Variants in CFAP206 observed in about 807,000 individuals in gnomAD.
CFAP206 encodes the protein cilia- and flagella-associated protein 206.
Under a neutral mutation model 65.4 loss-of-function variants are expected in CFAP206, and 53 were observed. That is an observed-to-expected ratio of 0.81 (90% confidence interval 0.65 to 1.02). The LOEUF (loss-of-function observed/expected upper bound fraction) is 1.02. Among genes scored for constraint, CFAP206 ranks in the 50% least tolerant of loss-of-function variants. CFAP206 has a pLI of 0.00. For missense variants in CFAP206, 663 were observed against 753.2 expected, an observed-to-expected ratio of 0.88 and a Z score of 1.40; for synonymous variants, 250 against 254.4, an observed-to-expected ratio of 0.98 and a Z score of 0.17.
At chr6:87,436,035 CTAAAATGAAAACATTT>C (rs1417444483) in intron 11 of CFAP206, 2 of 150,644 alleles carry the variant, frequency 1.3e-5, no homozygotes, top group Non-Finnish European at 2.9e-5. Flanking sequence ...TTTAAACTCA[CTAAAATGAAAACATTT>C]TGAAATACAT....
rs770829778 is a variant in CFAP206 at position 87,418,263 on chromosome 6, G to A, written c.687G>A (p.Gln229=). 1 of 1,614,098 alleles carries A rather than the reference G, an allele frequency of 6.2e-7. No homozygotes were observed. The highest frequency in any genetic ancestry group is 1.1e-5 in the South Asian group (1 of 91,076). ...CCACCATGCAGCATATTGATTACCAGCTTGAGACTGCCCGGAGCCAGGTAT... is the reference window on the plus strand; with the variant it reads ...CCACCATGCAGCATATTGATTACCAACTTGAGACTGCCCGGAGCCAGGTAT... ...IPATMQHIDY[Q]LETARSQVYR... is the part of the protein sequence containing the mutation. The change falls in exon 7 of 13, where the codon CAG becomes CAA. Residue 229 remains glutamine, a synonymous_variant. Transcript: ENST00000369562.
chr6:87,421,780 C>T (rs1767945362), intron 7 of CFAP206, among the ~76,000 whole-genome samples: 1 of 152,132 alleles, frequency 6.6e-6, no homozygotes. Flanking sequence ...AGAGTTATTT[C>T]CCCCCAAGCT....
At chr6:87,413,394 C>A (rs1206510264) in intron 3 of CFAP206, among the ~76,000 whole-genome samples, 1 of 152,122 alleles carries the variant, frequency 6.6e-6, no homozygotes, top group Non-Finnish European at 1.5e-5. Context: ...CACATGTTCT[C>A]ACTTATAAGT....
chr6:87,419,035 C>T (rs971190157), intron 7 of CFAP206, among the ~76,000 whole-genome samples: 1 of 151,408 alleles, frequency 6.6e-6, no homozygotes, highest in Non-Finnish European at 1.5e-5. Flanking sequence ...TCACTTGAGC[C>T]CAGGAGGCAG....
At chr6:87,463,358 A>C (rs1220260167) in intron 12 of CFAP206, among the ~76,000 whole-genome samples, 1 of 151,972 alleles carries the variant, frequency 6.6e-6, no homozygotes, top group Non-Finnish European at 1.5e-5. Context: ...AGTATCTCAA[A>C]CTCTGAAATG....
At chr6:87,415,312 G>A (rs6939276) in intron 4 of CFAP206, among the ~76,000 whole-genome samples, 5,434 of 149,632 alleles carry the variant, frequency 0.036, 334 homozygotes, top group African/African-American at 0.13. Context: ...TATATAATAT[G>A]TATATATTTA....
chr6:87,428,618 T>G lies in CFAP206; in HGVS notation c.961-8T>G. 6.2e-7 allele frequency: 1 copy of G among 1,613,386 alleles called. No individual in the cohort carries two copies. Among genetic ancestry groups the G allele is most frequent in the Non-Finnish European group, 8.5e-7 (1 of 1,179,332 alleles). On this transcript the variant is annotated splice_region_variant and splice_polypyrimidine_tract_variant and intron_variant, in intron 8 of 12. Transcript: ENST00000369562. ...TTGCATTTTGAATATTTTTTTTCTC[T>G]TCCTCAGCCTATCTTCATTGCACTT...
chr6:87,435,137 C>G, intron 11 of CFAP206, 84 bp downstream of exon 11: 1 of 1,005,232 alleles, frequency 9.9e-7, no homozygotes. Flanking sequence ...AGAATGCTTC[C>G]CAGGTCCACA....
intron 7 of CFAP206, among the ~76,000 whole-genome samples, chr6:87,419,007 G>T (rs1004176809): frequency 3.7e-4 from 57 of 152,078 alleles, no homozygotes; most frequent in Non-Finnish European, 6.5e-4. Context: ...AGCTACTCAA[G>T]AGGCTGAGGT....
chr6:87,463,353 C>G (rs1296100834), intron 12 of CFAP206, among the ~76,000 whole-genome samples: 1 of 152,208 alleles, frequency 6.6e-6, no homozygotes, highest in Non-Finnish European at 1.5e-5. Flanking sequence ...CCTGCAGTAT[C>G]TCAAACTCTG....
At chr6:87,408,150 T>C (rs1767658270) in intron 1 of CFAP206, 61 bp downstream of exon 1, 2 of 894,468 alleles carry the variant, frequency 2.2e-6, no homozygotes, top group African/African-American at 1.8e-5. Context: ...GGCGGCGAGC[T>C]TGGGGCGGCT....
In CFAP206 at chr6:87,419,059, C is replaced by T. The variant is rs184396264; in HGVS notation, c.840+643C>T. On this transcript the variant is annotated intron_variant, in intron 7 of 12. Transcript: ENST00000369562. ...CCCAGGAGGCAGAGGTTGCAGTGAG[C>T]CAAGATCACACCACTGCACTCTGAC... 2.4e-4 allele frequency among the ~76,000 whole-genome samples: 35 copies of T among 144,302 alleles called. 1 individual carries two copies. The highest frequency in any genetic ancestry group is 2.4e-3 in the Admixed American group (35 of 14,590). 94.7% of individuals were successfully genotyped at this position (144,302 alleles called of 152,430 possible). A position where few individuals can be genotyped will look rare whatever the true frequency, so the allele number is the denominator to read the frequency against.
At chr6:87,423,299 G>A (rs1301343455) in intron 7 of CFAP206, among the ~76,000 whole-genome samples, 4 of 150,622 alleles carry the variant, frequency 2.7e-5, no homozygotes, top group East Asian at 2.0e-4. Flanking sequence ...CCCAGGCTGG[G>A]GTGCAGTGGC....
At chr6:87,408,124 G>C in intron 1 of CFAP206, 35 bp downstream of exon 1, 1 of 967,836 alleles carries the variant, frequency 1.0e-6, no homozygotes, top group South Asian at 4.8e-5. Flanking sequence ...CCTTGACCCG[G>C]AGGCGTACCC....
At chr6:87,449,655 T>C (rs531465370) in intron 11 of CFAP206, among the ~76,000 whole-genome samples, 2 of 152,234 alleles carry the variant, frequency 1.3e-5, no homozygotes, top group Admixed American at 6.5e-5. Context: ...CATTTGCCCA[T>C]TTTAAAATTG....
intron 11 of CFAP206, among the ~76,000 whole-genome samples, chr6:87,458,943 C>G (rs966728210): frequency 1.3e-5 from 2 of 152,098 alleles, no homozygotes; most frequent in African/African-American, 2.4e-5. Context: ...TGTACACCTA[C>G]TGTGTACCCA....
intron 1 of CFAP206, 23 bp from the exon 2 acceptor site, chr6:87,409,812 A>C: frequency 6.9e-7 from 1 of 1,449,454 alleles, no homozygotes; most frequent in Non-Finnish European, 9.2e-7. Context: ...GGTTTTTTTA[A>C]AAAAAATTGT....
intron 8 of CFAP206, among the ~76,000 whole-genome samples, chr6:87,427,304 AT>A (rs912240778): frequency 2.0e-5 from 3 of 151,582 alleles, no homozygotes; most frequent in African/African-American, 7.3e-5. Context: ...TGCCCAGCTA[AT>A]TTTTTTTGCA....
chr6:87,438,552 A>G (rs1768312256), intron 11 of CFAP206, among the ~76,000 whole-genome samples: 1 of 151,402 alleles, frequency 6.6e-6, no homozygotes, highest in South Asian at 2.1e-4. Context: ...TTTTCTGTGT[A>G]AAGTTGTGGT....
Sources: gnomAD v4.1 joint callset for allele counts (sites outside exome capture counted in the v4.1 genomes callset) on GRCh38, gnomAD v4.1.1 for gene constraint, MANE v1.5 for transcripts, NCBI Gene and HGNC (gene_info 2026-07-23, HGNC 2026-07-21) for gene names.